IL1R1: variants seen among roughly 807,000 people sequenced by gnomAD.
IL1R1 encodes interleukin 1 receptor type 1.
IL1R1 carries 22 observed loss-of-function variants against 50.2 expected under a neutral mutation model. The observed-to-expected ratio is 0.44, with a 90% CI of 0.31 to 0.63. The LOEUF is 0.63. Ranked by LOEUF, IL1R1 falls within the 20% of genes least tolerant of loss-of-function variation. The pLI is 0.07. For missense variants in IL1R1, 509 were observed against 676.2 expected (o/e 0.75, Z 2.74); for synonymous variants, 251 against 236.7 (o/e 1.06, Z -0.55).
intron 1 of IL1R1, among the ~76,000 whole-genome samples, chr2:102,106,115 G>A (rs6739281): frequency 0.27 from 41,282 of 152,048 alleles, 6,367 homozygotes; most frequent in African/African-American, 0.42. Context: ...CGCTGTGTTG[G>A]TGAGGGTGTG....
intron 1 of IL1R1, among the ~76,000 whole-genome samples, chr2:102,116,513 C>T (rs1211995154): frequency 6.6e-6 from 1 of 152,112 alleles, no homozygotes; most frequent in East Asian, 1.9e-4. Flanking sequence ...TTATTACATC[C>T]AATTGCTCTT....
chr2:102,127,305 C>A (rs1372735040), intron 1 of IL1R1, among the ~76,000 whole-genome samples: 2 of 152,076 alleles, frequency 1.3e-5, no homozygotes, highest in Non-Finnish European at 2.9e-5. Context: ...ACAACTATAA[C>A]TGGTTGTGGA....
At chr2:102,073,198 A>G (rs374575028) in intron 1 of IL1R1, among the ~76,000 whole-genome samples, 18 of 152,344 alleles carry the variant, frequency 1.2e-4, no homozygotes, top group African/African-American at 3.4e-4. Flanking sequence ...TTCATTCCAC[A>G]GCTATTTCAT....
At chr2:102,119,994 C>G in intron 1 of IL1R1, among the ~76,000 whole-genome samples, 1 of 152,186 alleles carries the variant, frequency 6.6e-6, no homozygotes, top group Non-Finnish European at 1.5e-5. Flanking sequence ...GTAAATCATT[C>G]TTCTTGTCAT....
chr2:102,103,876 C>A (rs1680261304), upstream of IL1R1, among the ~76,000 whole-genome samples: 1 of 151,642 alleles, frequency 6.6e-6, no homozygotes, highest in Non-Finnish European at 1.5e-5. Context: ...CATCTATAAT[C>A]CCAGCTACTC....
chr2:102,119,322 G>A (rs1681274857), intron 1 of IL1R1, among the ~76,000 whole-genome samples: 2 of 152,218 alleles, frequency 1.3e-5, no homozygotes, highest in South Asian at 4.1e-4. Flanking sequence ...TATGAAGTTG[G>A]AATATTTGCT....
intron 1 of IL1R1, among the ~76,000 whole-genome samples, chr2:102,116,275 T>C (rs779247655): frequency 1.3e-5 from 2 of 152,238 alleles, no homozygotes; most frequent in African/African-American, 2.4e-5. Flanking sequence ...TTCCCCCACG[T>C]AATCTTGGCA....
At chr2:102,079,609 G>C (rs556564459) in intron 1 of IL1R1, among the ~76,000 whole-genome samples, 89 of 152,152 alleles carry the variant, frequency 5.8e-4, no homozygotes, top group Non-Finnish European at 1.1e-3. Context: ...TCAATTAATT[G>C]AAAGACATCC....
intron 1 of IL1R1, among the ~76,000 whole-genome samples, chr2:102,121,602 C>T (rs1439080694): frequency 6.6e-6 from 1 of 152,206 alleles, no homozygotes; most frequent in Non-Finnish European, 1.5e-5. Flanking sequence ...CCAAGTCCAG[C>T]CTGGCTTACT....
At chr2:102,157,682 T>A (rs1684321295) in intron 2 of IL1R1, 37 bp from the exon 3 acceptor site, 1 of 1,372,570 alleles carries the variant, frequency 7.3e-7, no homozygotes, top group African/African-American at 1.4e-5. Context: ...AGTAACATTT[T>A]TGCTTTTGTC....
At chr2:102,075,691 C>T (rs1021224629) in intron 1 of IL1R1, among the ~76,000 whole-genome samples, 4 of 152,152 alleles carry the variant, frequency 2.6e-5, no homozygotes, top group African/African-American at 7.2e-5. Context: ...CTAGAAATGT[C>T]GAGGAAGCCT....
In IL1R1 at chr2:102,175,627, G is replaced by A; in HGVS notation, c.1285G>A (p.Asp429Asn). 1 of 1,614,058 alleles carries A rather than the reference G, an allele frequency of 6.2e-7. No homozygotes were observed. Among genetic ancestry groups the A allele is most frequent in the Non-Finnish European group, 8.5e-7 (1 of 1,179,950 alleles). The change falls in exon 11 of 12, where the codon GAT (aspartate) becomes AAT (asparagine). Residue 429 changes from aspartate to asparagine, a missense_variant. Coordinates refer to ENST00000410023, the MANE Select transcript of IL1R1 (RefSeq NM_000877.4). The part of the protein sequence containing the change: ...CGYKLFIYGR[D>N]DYVGEDIVEV... The stretch of plus-strand genomic sequence containing the variant: ...ATATAAGCTGTTCATTTATGGAAGG[G>A]ATGACTACGTTGGGGAAGGTATGTG...
intron 6 of IL1R1, among the ~76,000 whole-genome samples, chr2:102,167,540 C>G (rs539561105): frequency 6.7e-6 from 1 of 148,566 alleles, no homozygotes; most frequent in African/African-American, 2.5e-5. Flanking sequence ...CTCTGCCTCC[C>G]GGGTTCATGC....
chr2:102,101,004 T>C (rs1680117006), upstream of IL1R1, among the ~76,000 whole-genome samples: 1 of 152,154 alleles, frequency 6.6e-6, no homozygotes, highest in African/African-American at 2.4e-5. Context: ...AATTCTCTAG[T>C]GTAAAGAGAC....
chr2:102,179,202 C>T lies in IL1R1; in HGVS notation c.*2443C>T, dbSNP rs1015504545. On this transcript the variant is annotated 3_prime_UTR_variant, in exon 12 of 12. Transcript: ENST00000410023. Reference sequence around the variant, plus strand: ...TTAGTCTGTCATCCAGAAAATGTGTCAGCATGCATAGTGCTAAGAAAGCAA... The same window carrying T: ...TTAGTCTGTCATCCAGAAAATGTGTTAGCATGCATAGTGCTAAGAAAGCAA... 2.0e-5 allele frequency: 3 copies of T among 152,304 alleles called. No individual in the cohort carries two copies. The highest frequency in any genetic ancestry group is 2.9e-5 in the Non-Finnish European group (2 of 68,038). The allele number at this position is 152,304 out of a possible 1,614,324, so 9.4% of individuals were successfully genotyped here.
intron 1 of IL1R1, among the ~76,000 whole-genome samples, chr2:102,116,431 T>C (rs1480068793): frequency 2.0e-5 from 3 of 152,342 alleles, no homozygotes; most frequent in Non-Finnish European, 2.9e-5. Context: ...AATACAAAGA[T>C]AAAATTTAAG....
upstream of IL1R1, among the ~76,000 whole-genome samples, chr2:102,103,179 T>C (rs1385674973): frequency 2.0e-5 from 3 of 152,140 alleles, no homozygotes; most frequent in African/African-American, 7.2e-5. Context: ...AATGAATATA[T>C]AATTTAAATT....
chr2:102,115,458 T>C (rs893861655), intron 1 of IL1R1, among the ~76,000 whole-genome samples: 1 of 152,210 alleles, frequency 6.6e-6, no homozygotes, highest in African/African-American at 2.4e-5. Flanking sequence ...TTGGCAAATA[T>C]TTAAACATCT....
At chr2:102,130,245 G>A (rs6752379) in intron 1 of IL1R1, among the ~76,000 whole-genome samples, 29,081 of 152,164 alleles carry the variant, frequency 0.19, 3,659 homozygotes, top group African/African-American at 0.35. Context: ...GACTCTGAAA[G>A]GATCTCAGGA....
Sources: allele counts gnomAD v4.1 joint callset (sites outside exome capture counted in the v4.1 genomes callset), GRCh38; gene constraint gnomAD v4.1.1; transcripts MANE v1.5; gene names NCBI Gene and HGNC (gene_info 2026-07-23, HGNC 2026-07-21).